CKM: variants seen among roughly 807,000 people sequenced by gnomAD.
CKM encodes creatine kinase, M-type, also known as creatine kinase M-type.
In CKM, 28 loss-of-function variants were observed where a neutral mutation model predicts 35.4. That is an observed-to-expected ratio of 0.79 (90% confidence interval 0.59 to 1.08). The LOEUF is 1.08. Among genes scored for constraint, CKM ranks in the 50% least tolerant of loss-of-function variants. The probability of loss-of-function intolerance (pLI) is 0.00; values close to 1 mark genes in which losing one functional copy is unlikely to be tolerated. For synonymous variants in CKM, 215 were observed against 204.4 expected (o/e 1.05, Z -0.44); for missense variants, 484 against 509.8 (o/e 0.95, Z 0.49).
In CKM at chr19:45,317,900, G is replaced by A. The variant is rs775490110; in HGVS notation, c.273C>T (p.Pro91=). The A allele has an allele frequency of 1.2e-6, 2 of 1,613,942 alleles. No individual in the cohort carries two copies. The highest frequency in any genetic ancestry group is 4.5e-5 in the East Asian group (2 of 44,874). The part of the protein sequence containing the change: ...SYEVFKELFD[P]IISDRHGGYK... ...AGCCCCCGTGGCGATCCGAGATGATGGGGTCAAAGAGTTCCTTGAAAACTT... is the reference window on the plus strand; with the variant it reads ...AGCCCCCGTGGCGATCCGAGATGATAGGGTCAAAGAGTTCCTTGAAAACTT... The change falls in exon 3 of 8, where the codon CCC becomes CCT. Residue 91 remains proline (P), a synonymous_variant. Coordinates refer to ENST00000221476, the MANE Select transcript of CKM (RefSeq NM_001824.5).
Position 45,306,525 on chromosome 19 carries a change from AAAG to A in CKM, c.*222_*224del. ...TCCTGGTTGGGGTGGAGCTCTGGGA[AAAG>A]AAGAGGACCCTGCCAGGGAGATATT... On this transcript the variant is annotated 3_prime_UTR_variant, in exon 8 of 8. Transcript: ENST00000221476. This position sits in a 1 kb window ranked among gnomAD's most constrained non-coding sequence, Gnocchi z 4.5. The A allele has an allele frequency of 5.2e-6, 3 of 576,906 alleles. No homozygotes were observed. The highest frequency in any genetic ancestry group is 9.3e-6 in the Non-Finnish European group (3 of 322,276). The allele number at this position is 576,906 out of a possible 1,614,324, so 35.7% of individuals were successfully genotyped here. A position where few individuals can be genotyped will look rare whatever the true frequency, so the allele number is the denominator to read the frequency against.
intron 3 of CKM, among the ~76,000 whole-genome samples, chr19:45,317,530 G>T (rs1477566161): frequency 1.3e-5 from 2 of 151,120 alleles, no homozygotes; most frequent in Non-Finnish European, 1.5e-5. Flanking sequence ...AAGGTGATCT[G>T]CCCGCCTTGG....
At chr19:45,316,309 GAC>G (rs1277930975) in intron 3 of CKM, among the ~76,000 whole-genome samples, 2 of 143,420 alleles carry the variant, frequency 1.4e-5, no homozygotes, top group Non-Finnish European at 1.5e-5. Context: ...CAACCTGGGT[GAC>G]AGAGTGAGAT....
intron 5 of CKM, among the ~76,000 whole-genome samples, chr19:45,309,227 C>CAAA (rs59133395): frequency 1.4e-4 from 11 of 80,742 alleles, no homozygotes; most frequent in Non-Finnish European, 2.5e-4. Flanking sequence ...GACTCCATCT[C>CAAA]AAAAAAAAAA....
intron 3 of CKM, among the ~76,000 whole-genome samples, chr19:45,317,040 TTGTC>T (rs1296688273): frequency 1.3e-5 from 2 of 151,992 alleles, no homozygotes; most frequent in African/African-American, 2.4e-5. Flanking sequence ...TCCCTCTCCT[TTGTC>T]TGTCTGTCTC....
At chr19:45,316,084 C>A (rs1455563501) in intron 3 of CKM, among the ~76,000 whole-genome samples, 1 of 151,992 alleles carries the variant, frequency 6.6e-6, no homozygotes. Context: ...AATCCCAACA[C>A]TTTGGGAAGC....
chr19:45,322,681 C>T (rs1350389021), intron 1 of CKM, 140 bp downstream of exon 1: 1 of 399,598 alleles, frequency 2.5e-6, no homozygotes, highest in East Asian at 1.6e-4. Flanking sequence ...GTCAACCTTC[C>T]CACGCACCGA....
Position 45,308,055 on chromosome 19 carries a change from T to C in CKM, c.777+354A>G, listed in dbSNP as rs551751529. On this transcript the variant is annotated intron_variant, in intron 6 of 7. Coordinates refer to ENST00000221476, the MANE Select transcript of CKM (RefSeq NM_001824.5). ...ATTTATTTATTTATTAATTTTTTAG[T>C]ATAGAGACGGGGTTTCACCATGTTG... Among the ~76,000 whole-genome samples, 6 of 151,970 alleles carry C rather than the reference T, an allele frequency of 3.9e-5. No homozygotes were observed. In the South Asian group the frequency reaches 1.0e-3, roughly 26 times the overall value.
Position 45,317,961 on chromosome 19 carries a change from G to A in CKM, c.212C>T (p.Thr71Ile). ...CTCATCACCAGCCACGCAGCCCACGGTCATGATGAAGGGGTGACCTGGAGG... is the reference window on the plus strand; with the variant it reads ...CTCATCACCAGCCACGCAGCCCACGATCATGATGAAGGGGTGACCTGGAGG... ...VDNPGHPFIM[T>I]VGCVAGDEES... The change falls in exon 3 of 8, where the codon ACC becomes ATC. Residue 71 changes from threonine to isoleucine, a missense_variant. By Grantham distance (89) the Thr-to-Ile change is moderately conservative. Transcript: ENST00000221476. The A allele has an allele frequency of 6.2e-7, 1 of 1,614,018 alleles. No individual in the cohort carries two copies.
chr19:45,316,936 C>T (rs1240090381), intron 3 of CKM, among the ~76,000 whole-genome samples: 4 of 152,096 alleles, frequency 2.6e-5, no homozygotes, highest in African/African-American at 9.7e-5. Flanking sequence ...CCGCCCACCT[C>T]AGCCTCCCAA....
At chr19:45,318,087 T>C (rs1236858104) in intron 2 of CKM, 108 bp from the exon 3 acceptor site, 2 of 821,100 alleles carry the variant, frequency 2.4e-6, no homozygotes, top group Non-Finnish European at 4.0e-6. Flanking sequence ...TGGGGGCGGG[T>C]ACATTCAATA....
chr19:45,316,549 T>C (rs12984728), intron 3 of CKM, among the ~76,000 whole-genome samples: 78,285 of 151,142 alleles, frequency 0.52, 21,935 homozygotes, highest in Non-Finnish European at 0.63. Context: ...CTCTCCTGGC[T>C]TCACGTGATC....
At chr19:45,316,044 CA>C (rs1253474988) in intron 3 of CKM, among the ~76,000 whole-genome samples, 1 of 151,674 alleles carries the variant, frequency 6.6e-6, no homozygotes, top group Admixed American at 6.6e-5. Context: ...TAAATAGAGA[CA>C]GGGGCTGGGC....
Position 45,319,473 on chromosome 19 carries a change from T to G in CKM, c.193+48A>C, listed in dbSNP as rs1971191206. The G allele has an allele frequency of 4.7e-6, 7 of 1,503,512 alleles. No homozygotes were observed. The East Asian group carries it at 1.6e-4, about 35-fold the overall frequency. The allele number at this position is 1,503,512 out of a possible 1,614,324, so 93.1% of individuals were successfully genotyped here. The stretch of plus-strand genomic sequence containing the variant: ...TGGGATTGGGGCATGGCCGGCAGCC[T>G]CCAGAGCCCCCATGTAGCCCCTTCA... On this transcript the variant is annotated intron_variant, in intron 2 of 7. Transcript: ENST00000221476.
chr19:45,308,783 C>A (rs918577749), intron 5 of CKM, among the ~76,000 whole-genome samples: 2 of 152,114 alleles, frequency 1.3e-5, no homozygotes, highest in African/African-American at 2.4e-5. Flanking sequence ...TATTATAGAT[C>A]CTTGGGATCT....
At chr19:45,307,410 A>C in intron 7 of CKM, 51 bp downstream of exon 7, 3 of 1,566,764 alleles carry the variant, frequency 1.9e-6, no homozygotes, top group Non-Finnish European at 2.6e-6. Flanking sequence ...CATCCCTGCA[A>C]AGGGCCCTCG....
At chr19:45,313,181 G>A (rs1971126178) in intron 4 of CKM, among the ~76,000 whole-genome samples, 2 of 151,890 alleles carry the variant, frequency 1.3e-5, no homozygotes, top group African/African-American at 4.8e-5. Flanking sequence ...AGGTCTATTG[G>A]AGCCATTTTT....
chr19:45,312,189 C>T lies in CKM; in HGVS notation c.482-269G>A, dbSNP rs540615591. Among the ~76,000 whole-genome samples, 11 of 152,340 alleles carry T rather than the reference C, an allele frequency of 7.2e-5. No homozygotes were observed. In the East Asian group the frequency reaches 2.1e-3, roughly 29 times the overall value. On this transcript the variant is annotated intron_variant, in intron 4 of 7. Transcript: ENST00000221476. ...CTCTTCCCCTGAGGGACCCTCACATCCAATCCACCTGCAGGCCACAGTGTG... is the reference window on the plus strand; with the variant it reads ...CTCTTCCCCTGAGGGACCCTCACATTCAATCCACCTGCAGGCCACAGTGTG...
At chr19:45,322,414 G>A (rs948014982) in intron 1 of CKM, among the ~76,000 whole-genome samples, 1 of 152,212 alleles carries the variant, frequency 6.6e-6, no homozygotes, top group Non-Finnish European at 1.5e-5. Flanking sequence ...AAGAAAGCCT[G>A]CGACACCTGC....
Sources: gnomAD v4.1 joint callset for allele counts (sites outside exome capture counted in the v4.1 genomes callset) on GRCh38, gnomAD v4.1.1 for gene constraint, Gnocchi (gnomAD v3.1) non-coding constraint, MANE v1.5 for transcripts, NCBI Gene and HGNC (gene_info 2026-07-23, HGNC 2026-07-21) for gene names.